Variants in PCSK2 observed in about 807,000 individuals in gnomAD.
PCSK2 encodes the protein proprotein convertase subtilisin/kexin type 2.
PCSK2 carries 14 observed loss-of-function variants against 69.7 expected under a neutral mutation model. The ratio of observed to expected loss-of-function variants is 0.20; its 90% CI spans 0.13 to 0.31. The LOEUF is 0.31. Ranked by LOEUF, PCSK2 falls within the 10% of genes least tolerant of loss-of-function variation. The probability of loss-of-function intolerance (pLI) is 1.00; values close to 1 mark genes in which losing one functional copy is unlikely to be tolerated. For missense variants in PCSK2, 544 were observed against 842.5 expected, an observed-to-expected ratio of 0.65 and a Z score of 4.39; for synonymous variants, 307 against 320.7, an observed-to-expected ratio of 0.96 and a Z score of 0.46.
intron 5 of PCSK2, among the ~76,000 whole-genome samples, chr20:17,394,384 G>A (rs1010257914): frequency 3.3e-5 from 5 of 152,182 alleles, no homozygotes; most frequent in African/African-American, 9.7e-5. Context: ...GAACTGGAGG[G>A]GATGGAAAAG....
At chr20:17,324,592 G>C (rs1989984179) in intron 2 of PCSK2, among the ~76,000 whole-genome samples, 1 of 151,958 alleles carries the variant, frequency 6.6e-6, no homozygotes, top group Non-Finnish European at 1.5e-5. Flanking sequence ...GCCCACCTTG[G>C]TCCTGATCAC....
chr20:17,415,881 A>G (rs1368031322), intron 6 of PCSK2, among the ~76,000 whole-genome samples: 1 of 152,138 alleles, frequency 6.6e-6, no homozygotes, highest in Non-Finnish European at 1.5e-5. Flanking sequence ...CACATCTACA[A>G]CTGCCTGATC....
At chr20:17,246,683 C>A (rs1218458254) in intron 1 of PCSK2, among the ~76,000 whole-genome samples, 1 of 151,890 alleles carries the variant, frequency 6.6e-6, no homozygotes, top group Non-Finnish European at 1.5e-5. Context: ...GGGACGTGGT[C>A]CAAAGTGGAC....
intron 8 of PCSK2, among the ~76,000 whole-genome samples, chr20:17,441,860 C>T (rs978723488): frequency 6.6e-6 from 1 of 151,984 alleles, no homozygotes; most frequent in South Asian, 2.1e-4. Flanking sequence ...TCAATTGTGT[C>T]CCCAAATATT....
At chr20:17,275,084 CAT>C (rs11474649) in intron 2 of PCSK2, among the ~76,000 whole-genome samples, 10,960 of 141,298 alleles carry the variant, frequency 0.078, 557 homozygotes, top group African/African-American at 0.15. Context: ...ATTATTTATA[CAT>C]ATATATATAT....
chr20:17,382,936 C>T (rs576246146), intron 5 of PCSK2, among the ~76,000 whole-genome samples: 3 of 152,300 alleles, frequency 2.0e-5, no homozygotes, highest in South Asian at 2.1e-4. Context: ...TCCATCTCAA[C>T]TTATATTGCA....
chr20:17,304,142 G>C (rs1202504984), intron 2 of PCSK2, among the ~76,000 whole-genome samples: 2 of 152,010 alleles, frequency 1.3e-5, no homozygotes, highest in East Asian at 3.9e-4. Context: ...AATTTCTTAA[G>C]GTGGTTTTGG....
intron 1 of PCSK2, among the ~76,000 whole-genome samples, chr20:17,254,950 C>G (rs1987121433): frequency 1.3e-5 from 2 of 152,084 alleles, no homozygotes; most frequent in South Asian, 4.1e-4. Flanking sequence ...GACTTATATT[C>G]TTAACTTTAT....
intron 2 of PCSK2, among the ~76,000 whole-genome samples, chr20:17,275,238 A>G (rs1988024080): frequency 6.6e-6 from 1 of 152,048 alleles, no homozygotes; most frequent in African/African-American, 2.4e-5. Context: ...TCCAAAGTAT[A>G]AACTTTGGCA....
intron 2 of PCSK2, among the ~76,000 whole-genome samples, chr20:17,318,040 G>A (rs1465829808): frequency 6.6e-6 from 1 of 152,234 alleles, no homozygotes; most frequent in Non-Finnish European, 1.5e-5. Flanking sequence ...TGATGTGTCA[G>A]TCATCTCCAG....
chr20:17,434,811 C>T (rs1322446187), intron 7 of PCSK2, among the ~76,000 whole-genome samples: 1 of 152,200 alleles, frequency 6.6e-6, no homozygotes, highest in Non-Finnish European at 1.5e-5. Flanking sequence ...AGCAAGTGAA[C>T]GCCAGCCTCT....
intron 2 of PCSK2, among the ~76,000 whole-genome samples, chr20:17,269,340 A>G (rs1222180115): frequency 6.6e-6 from 1 of 152,176 alleles, no homozygotes; most frequent in Non-Finnish European, 1.5e-5. Context: ...AGTCAAAGAG[A>G]TAACTGGGGA....
chr20:17,364,477 G>A (rs996411422), intron 4 of PCSK2, among the ~76,000 whole-genome samples: 9 of 152,136 alleles, frequency 5.9e-5, no homozygotes, highest in African/African-American at 1.9e-4. Context: ...CGATCATGGC[G>A]GGAGATGAAA....
At chr20:17,409,128 T>G (rs2031816054) in intron 5 of PCSK2, 135 bp from the exon 6 acceptor site, 2 of 665,736 alleles carry the variant, frequency 3.0e-6, no homozygotes, top group Non-Finnish European at 5.4e-6. Flanking sequence ...CAACACAATT[T>G]TGTGAGGTTT....
chr20:17,426,260 T>C (rs1385664176), intron 6 of PCSK2, among the ~76,000 whole-genome samples: 2 of 152,204 alleles, frequency 1.3e-5, no homozygotes, highest in Non-Finnish European at 2.9e-5. Flanking sequence ...TTTCCCCTGC[T>C]GGCACTCATT....
chr20:17,415,261 G>T (rs1014509562), intron 6 of PCSK2, among the ~76,000 whole-genome samples: 1 of 152,166 alleles, frequency 6.6e-6, no homozygotes, highest in Non-Finnish European at 1.5e-5. Flanking sequence ...GTTTGCAGAT[G>T]ACATGATTGT....
chr20:17,348,055 GAAAGAAAGAAAGAAAGAAAGAAAGAAA>G (rs1568612680), intron 2 of PCSK2, among the ~76,000 whole-genome samples: 22 of 43,200 alleles, frequency 5.1e-4, no homozygotes, highest in African/African-American at 1.6e-3. Context: ...AGAAAGGAAA[GAAAGAAAGAAAGAAAGAAAGAAAGAAA>G]GAAAGAAAGA....
chr20:17,300,242 G>C (rs1310171073), intron 2 of PCSK2, among the ~76,000 whole-genome samples: 2 of 152,340 alleles, frequency 1.3e-5, no homozygotes, highest in African/African-American at 4.8e-5. Context: ...GCCCTCATTA[G>C]AAGTCCACAG....
chr20:17,328,789 A>G (rs1990135053), intron 2 of PCSK2, among the ~76,000 whole-genome samples: 1 of 152,244 alleles, frequency 6.6e-6, no homozygotes, highest in Admixed American at 6.5e-5. Context: ...TGTGAGTTAA[A>G]TGATGAAACT....
Sources: allele counts gnomAD v4.1 joint callset (sites outside exome capture counted in the v4.1 genomes callset), GRCh38; gene constraint gnomAD v4.1.1; transcripts MANE v1.5; gene names NCBI Gene and HGNC (gene_info 2026-07-23, HGNC 2026-07-21).